The following DNM3 variants were observed in gnomAD, a reference collection of about 807,000 sequenced individuals.
DNM3 encodes the protein dynamin 3.
DNM3 carries 47 observed loss-of-function variants against 101.6 expected under a neutral mutation model. The ratio of observed to expected loss-of-function variants is 0.46; its 90% confidence interval spans 0.37 to 0.59. The LOEUF (loss-of-function observed/expected upper bound fraction) is 0.59. DNM3 is among the 20% of genes least tolerant of loss of function. The pLI is 0.00. For missense variants in DNM3, 849 were observed against 1,085.7 expected (o/e 0.78, Z 3.06); for synonymous variants, 385 against 387.9 (o/e 0.99, Z 0.09).
chr1:172,120,108 C>T (rs2056212617), intron 13 of DNM3, among the ~76,000 whole-genome samples: 2 of 152,146 alleles, frequency 1.3e-5, no homozygotes, highest in South Asian at 4.1e-4. Context: ...TGTTCTCACA[C>T]TGCTAATAAA....
chr1:171,896,670 A>G (rs2037831539), intron 1 of DNM3, among the ~76,000 whole-genome samples: 2 of 152,324 alleles, frequency 1.3e-5, no homozygotes, highest in Admixed American at 1.3e-4. Flanking sequence ...CCCTGGCCAG[A>G]ACTTCCAACA....
intron 1 of DNM3, among the ~76,000 whole-genome samples, chr1:171,868,260 T>C (rs1335429148): frequency 6.6e-6 from 1 of 152,042 alleles, no homozygotes; most frequent in Non-Finnish European, 1.5e-5. Context: ...GGTAATCAGT[T>C]TGGGAATTCC....
intron 15 of DNM3, among the ~76,000 whole-genome samples, chr1:172,257,319 T>C (rs1379005869): frequency 1.3e-5 from 2 of 152,026 alleles, no homozygotes; most frequent in Non-Finnish European, 1.5e-5. Context: ...GGGAGACAAA[T>C]AAAAACTCAC....
At chr1:172,164,227 C>CT (rs1165249284) in intron 14 of DNM3, among the ~76,000 whole-genome samples, 1 of 102,522 alleles carries the variant, frequency 9.8e-6, no homozygotes, top group African/African-American at 4.7e-5. Flanking sequence ...ATTTTCTTTT[C>CT]TTTTCTTTTT....
At chr1:171,906,244 C>A (rs554336731) in intron 1 of DNM3, among the ~76,000 whole-genome samples, 1 of 151,580 alleles carries the variant, frequency 6.6e-6, no homozygotes, top group East Asian at 1.9e-4. Flanking sequence ...TCTCCCATCT[C>A]AGCCTCCCGT....
chr1:171,966,842 T>C (rs2043624453), intron 2 of DNM3, among the ~76,000 whole-genome samples: 1 of 152,218 alleles, frequency 6.6e-6, no homozygotes, highest in Non-Finnish European at 1.5e-5. Flanking sequence ...GTAACCTCTA[T>C]AACCTGGCTG....
intron 17 of DNM3, among the ~76,000 whole-genome samples, chr1:172,347,071 A>G (rs1041573242): frequency 6.6e-6 from 1 of 152,192 alleles, no homozygotes; most frequent in African/African-American, 2.4e-5. Context: ...GCATAGCCAC[A>G]AGTTTGCCCC....
chr1:172,170,037 G>A (rs1353446508), intron 14 of DNM3, among the ~76,000 whole-genome samples: 4 of 151,790 alleles, frequency 2.6e-5, no homozygotes, highest in African/African-American at 4.8e-5. Context: ...AAGCAGATTT[G>A]GAAGGAGCTA....
At chr1:172,317,700 A>G (rs1321681643) in intron 16 of DNM3, among the ~76,000 whole-genome samples, 2 of 152,218 alleles carry the variant, frequency 1.3e-5, no homozygotes, top group Non-Finnish European at 2.9e-5. Flanking sequence ...AAGAAGTTGA[A>G]TCTCTGAATA....
At chr1:171,998,582 G>C (rs1449080342) in intron 4 of DNM3, among the ~76,000 whole-genome samples, 1 of 152,080 alleles carries the variant, frequency 6.6e-6, no homozygotes, top group East Asian at 1.9e-4. Flanking sequence ...GGAATACAGT[G>C]GTGAAGAAGA....
intron 17 of DNM3, among the ~76,000 whole-genome samples, chr1:172,355,570 A>G: frequency 6.6e-6 from 1 of 152,146 alleles, no homozygotes; most frequent in East Asian, 1.9e-4. Context: ...AGCATTTGCT[A>G]ATTTCCATGG....
intron 16 of DNM3, among the ~76,000 whole-genome samples, chr1:172,317,871 C>T (rs1161323019): frequency 2.0e-5 from 3 of 152,162 alleles, no homozygotes; most frequent in Non-Finnish European, 4.4e-5. Context: ...AAGAGGGAAT[C>T]CTCCCTAACT....
chr1:172,353,074 T>G (rs1167369840), intron 17 of DNM3, among the ~76,000 whole-genome samples: 1 of 152,084 alleles, frequency 6.6e-6, no homozygotes, highest in African/African-American at 2.4e-5. Flanking sequence ...CATACACCCC[T>G]GATGCTCCAT....
rs895346198 is a variant in DNM3 at position 172,214,977 on chromosome 1, C to T, written c.1660-38596C>T. 4.6e-5 allele frequency among the ~76,000 whole-genome samples: 7 copies of T among 152,048 alleles called. No individual in the cohort carries two copies. The South Asian group carries it at 1.2e-3, about 27-fold the overall frequency. On this transcript the variant is annotated intron_variant, in intron 14 of 20. Coordinates refer to ENST00000627582, the MANE Select transcript of DNM3 (RefSeq NM_015569.5). ...CCTAGTAAATATTCACATATGTTAA[C>T]GTAAGTTAATACTGTTAGGAAACTG...
rs753502478 is a variant in DNM3 at position 172,042,161 on chromosome 1, A to AT, written c.1128+24dup. On this transcript the variant is annotated intron_variant, in intron 8 of 20. Coordinates refer to ENST00000627582, the MANE Select transcript of DNM3 (RefSeq NM_015569.5). ...ATAGTAAAGGTTTGTGTCAAACGTT[A>AT]TTTTTTTCTTAGTTTCACTTCACTT... The AT allele has an allele frequency of 1.6e-4, 255 of 1,576,532 alleles. No homozygotes were observed. In the African/African-American group the frequency reaches 3.1e-3, roughly 19 times the overall value.
At chr1:172,143,756 G>C (rs1468779046) in intron 14 of DNM3, among the ~76,000 whole-genome samples, 1 of 152,126 alleles carries the variant, frequency 6.6e-6, no homozygotes, top group Non-Finnish European at 1.5e-5. Flanking sequence ...GGTATCTAAA[G>C]ATAGAGGTTT....
intron 14 of DNM3, among the ~76,000 whole-genome samples, chr1:172,186,311 G>A (rs2059522581): frequency 6.6e-6 from 1 of 151,688 alleles, no homozygotes; most frequent in Non-Finnish European, 1.5e-5. Flanking sequence ...ACCCAGAAAG[G>A]CAACATGACC....
chr1:172,192,874 T>A (rs1024221826), intron 14 of DNM3, among the ~76,000 whole-genome samples: 5 of 151,366 alleles, frequency 3.3e-5, no homozygotes, highest in Non-Finnish European at 5.9e-5. Context: ...TGATTTATAG[T>A]CCTTTGGGTA....
At chr1:171,853,847 C>T (rs567510246) in intron 1 of DNM3, among the ~76,000 whole-genome samples, 33 of 152,312 alleles carry the variant, frequency 2.2e-4, no homozygotes, top group Middle Eastern at 3.4e-3. Context: ...CAGTAACCTG[C>T]AGTCCCCTCC....
Sources: gnomAD v4.1 joint callset for allele counts (sites outside exome capture counted in the v4.1 genomes callset) on GRCh38, gnomAD v4.1.1 for gene constraint, MANE v1.5 for transcripts, NCBI Gene and HGNC (gene_info 2026-07-23, HGNC 2026-07-21) for gene names.